Variants in PIK3CB observed in about 807,000 individuals in gnomAD.
The protein encoded by PIK3CB is phosphatidylinositol-4,5-bisphosphate 3-kinase catalytic subunit beta.
In PIK3CB, 39 loss-of-function variants were observed where a neutral mutation model predicts 136.8. That is an observed-to-expected ratio of 0.29 (90% CI 0.22 to 0.37). PIK3CB has a LOEUF of 0.37. Among genes scored for constraint, PIK3CB ranks in the 10% least tolerant of loss-of-function variants. The pLI, the probability that PIK3CB is intolerant of heterozygous loss-of-function variation, is 1.00. For missense variants in PIK3CB, 868 were observed against 1,275.4 expected (o/e 0.68, Z 4.87); for synonymous variants, 428 against 436.6 (o/e 0.98, Z 0.25).
At chr3:138,749,179 T>G (rs2045421081) in intron 4 of PIK3CB, among the ~76,000 whole-genome samples, 1 of 152,186 alleles carries the variant, frequency 6.6e-6, no homozygotes, top group Non-Finnish European at 1.5e-5. Flanking sequence ...AGGCAATAGG[T>G]ATTACAGGTG....
At position 138,694,825 on chromosome 3, in the gene PIK3CB, T is replaced by C; in HGVS notation, c.1853A>G (p.Tyr618Cys). ...ELLDFNYPDQ[Y>C]VREYAVGCLR... ...GCAGCCTACAGCATATTCTCGAACG[T>C]ACTGGTCTGGATAGTTGAAATCCAG... is the stretch of plus-strand genomic sequence containing the variant. Residue 618 changes from tyrosine to cysteine, a missense_variant, in exon 14 of 24, where the codon TAC becomes TGC. By Grantham distance (194) the Tyr-to-Cys change is radical. Coordinates refer to ENST00000674063, the MANE Select transcript of PIK3CB (RefSeq NM_006219.3). The C allele has an allele frequency of 1.9e-6, 3 of 1,613,396 alleles. No individual in the cohort carries two copies. Among genetic ancestry groups the C allele is most frequent in the Non-Finnish European group, 2.5e-6 (3 of 1,179,694 alleles).
intron 8 of PIK3CB, among the ~76,000 whole-genome samples, chr3:138,730,927 C>T (rs1053565144): frequency 1.3e-5 from 2 of 151,986 alleles, no homozygotes; most frequent in Admixed American, 6.6e-5. Flanking sequence ...AATACCCTGT[C>T]TCTAAATAAA....
chr3:138,724,596 C>T lies in PIK3CB; in HGVS notation c.1050+8765G>A, dbSNP rs376947167. ...TCACGTGGTTGGTTTCTCTGGCAAC[C>T]GGCTCCATCCTGGAGCTATCTAGGG... is the stretch of plus-strand genomic sequence containing the variant. On this transcript the variant is annotated intron_variant, in intron 8 of 23. Transcript: ENST00000674063. Among the ~76,000 whole-genome samples the T allele has an allele frequency of 3.3e-5, 5 of 152,284 alleles. No individual in the cohort carries two copies. In the East Asian group the frequency reaches 5.8e-4, roughly 18 times the overall value.
At chr3:138,734,882 C>T in intron 6 of PIK3CB, 78 bp from the exon 7 acceptor site, 1 of 926,882 alleles carries the variant, frequency 1.1e-6, no homozygotes, top group South Asian at 2.3e-5. Context: ...AGCTGAACAA[C>T]ACTATATCAA....
At chr3:138,667,143 A>G (rs545539118) in intron 19 of PIK3CB, among the ~76,000 whole-genome samples, 138 of 136,430 alleles carry the variant, frequency 1.0e-3, no homozygotes, top group African/African-American at 3.4e-3. Flanking sequence ...CAGGAGGCGG[A>G]GGTTGCAGTA....
intron 2 of PIK3CB, among the ~76,000 whole-genome samples, chr3:138,791,853 C>T (rs2077939988): frequency 6.6e-6 from 1 of 152,182 alleles, no homozygotes; most frequent in South Asian, 2.1e-4. Flanking sequence ...CATATCCCTC[C>T]TTCATCAATG....
At chr3:138,804,566 CAAT>C (rs2046210794) in intron 1 of PIK3CB, among the ~76,000 whole-genome samples, 1 of 152,108 alleles carries the variant, frequency 6.6e-6, no homozygotes, top group South Asian at 2.1e-4. Flanking sequence ...TAAGAGGACA[CAAT>C]GATGTTTTCA....
At chr3:138,712,377 T>C in intron 9 of PIK3CB, 73 bp from the exon 10 acceptor site, 1 of 594,006 alleles carries the variant, frequency 1.7e-6, no homozygotes, top group Non-Finnish European at 2.9e-6. Flanking sequence ...ATGTCCTTTG[T>C]TTCAATAATG....
chr3:138,766,037 T>C (rs2045728608), intron 2 of PIK3CB, among the ~76,000 whole-genome samples: 1 of 152,228 alleles, frequency 6.6e-6, no homozygotes, highest in African/African-American at 2.4e-5. Context: ...AGATCAGGCT[T>C]TGCCTAATGC....
At chr3:138,718,876 G>T (rs2044666821) in intron 8 of PIK3CB, among the ~76,000 whole-genome samples, 1 of 151,974 alleles carries the variant, frequency 6.6e-6, no homozygotes, top group Non-Finnish European at 1.5e-5. Context: ...TTATTTCTGG[G>T]CTCTTTATTC....
chr3:138,803,292 T>C (rs1256939850), intron 1 of PIK3CB, among the ~76,000 whole-genome samples: 1 of 152,182 alleles, frequency 6.6e-6, no homozygotes, highest in Non-Finnish European at 1.5e-5. Context: ...AGAACATAAA[T>C]AAGTATTCTC....
At chr3:138,789,108 G>C (rs1305444198) in intron 2 of PIK3CB, among the ~76,000 whole-genome samples, 1 of 151,912 alleles carries the variant, frequency 6.6e-6, no homozygotes, top group Non-Finnish European at 1.5e-5. Flanking sequence ...AGCCAGTATG[G>C]AAGACAGCAG....
At chr3:138,828,795 A>AT (rs367885920) in intron 1 of PIK3CB, among the ~76,000 whole-genome samples, 4,132 of 151,018 alleles carry the variant, frequency 0.027, 202 homozygotes, top group African/African-American at 0.096. Context: ...TTTATTTTTT[A>AT]TTTTTTTTCT....
chr3:138,708,859 A>C (rs1486921629), intron 10 of PIK3CB, among the ~76,000 whole-genome samples: 1 of 152,128 alleles, frequency 6.6e-6, no homozygotes, highest in African/African-American at 2.4e-5. Context: ...ACCTAACTGA[A>C]ATCAAATTTA....
chr3:138,797,619 T>C (rs543905809), intron 1 of PIK3CB, among the ~76,000 whole-genome samples: 1 of 152,332 alleles, frequency 6.6e-6, no homozygotes, highest in Non-Finnish European at 1.5e-5. Flanking sequence ...TGATTGTTTT[T>C]CCAAAAGTAA....
chr3:138,785,056 AG>A (rs1424005784), intron 2 of PIK3CB, among the ~76,000 whole-genome samples: 1 of 150,968 alleles, frequency 6.6e-6, no homozygotes, highest in African/African-American at 2.4e-5. Flanking sequence ...CCGTCTGGGA[AG>A]TGAAGAGCAT....
chr3:138,772,958 T>C (rs762038872), intron 2 of PIK3CB, among the ~76,000 whole-genome samples: 3 of 152,020 alleles, frequency 2.0e-5, no homozygotes, highest in Middle Eastern at 3.4e-3. Context: ...GCTACTTTTT[T>C]TGTATTTTTA....
chr3:138,781,989 T>A (rs2045928745), intron 2 of PIK3CB, among the ~76,000 whole-genome samples: 1 of 152,198 alleles, frequency 6.6e-6, no homozygotes, highest in African/African-American at 2.4e-5. Context: ...TCAAGACAAT[T>A]TCCTTGCACT....
rs60503033 is a variant in PIK3CB, at chr3:138,744,392, C to CAAAAAAAAAAAAAAAAAAAAAAAAAAAAA, written c.398-1640_398-1612dup. The stretch of plus-strand genomic sequence containing the variant: ...ACTGGGTGACAGAGCGAGACTCCCC[C>CAAAAAAAAAAAAAAAAAAAAAAAAAAAAA]AAAAAAAAAAAAAAAAAAAAAAAAA... On this transcript the variant is annotated intron_variant, in intron 4 of 23. Transcript: ENST00000674063. Among the ~76,000 whole-genome samples, 34 of 45,108 alleles carry CAAAAAAAAAAAAAAAAAAAAAAAAAAAAA rather than the reference C, an allele frequency of 7.5e-4. 15 individuals are homozygous for CAAAAAAAAAAAAAAAAAAAAAAAAAAAAA. The highest frequency in any genetic ancestry group is 1.3e-3 in the Non-Finnish European group (31 of 24,730). 29.6% of individuals were successfully genotyped at this position (45,108 alleles called of 152,430 possible). A position where few individuals can be genotyped will look rare whatever the true frequency, so the allele number is the denominator to read the frequency against.
Sources: gnomAD v4.1 joint callset for allele counts (sites outside exome capture counted in the v4.1 genomes callset) on GRCh38, gnomAD v4.1.1 for gene constraint, MANE v1.5 for transcripts, NCBI Gene and HGNC (gene_info 2026-07-23, HGNC 2026-07-21) for gene names.